UPK1A: variants seen among roughly 807,000 people sequenced by gnomAD.
UPK1A encodes the protein uroplakin-1a.
Under a neutral mutation model 32.3 loss-of-function variants are expected in UPK1A, and 31 were observed. That is an observed-to-expected ratio of 0.96 (90% CI 0.72 to 1.30). The LOEUF is 1.30. Among genes scored for constraint, UPK1A ranks in the 50% most tolerant of loss-of-function variants. The probability of loss-of-function intolerance (pLI) is 0.00; values close to 1 mark genes in which losing one functional copy is unlikely to be tolerated. For missense variants in UPK1A, 340 were observed against 357.4 expected, an observed-to-expected ratio of 0.95 and a Z score of 0.39; for synonymous variants, 135 against 137.1, an observed-to-expected ratio of 0.98 and a Z score of 0.11.
At chr19:35,666,856 T>G (rs993363210) in exon 2 of UPK1A, 2 of 1,613,910 alleles carry the variant, frequency 1.2e-6, no homozygotes, top group Non-Finnish European at 1.7e-6. Context: ...GGATCTCCAG[T>G]TGTGGTGGGC....
rs1251229612 is a variant in UPK1A at position 35,668,772 on chromosome 19, G to A, written c.285+118G>A. ...GAGTTCCCCATGGTGTCACACTCAG[G>A]GATCCCAGGCATCATCTCATTCAGT... On this transcript the variant is annotated intron_variant, in intron 3 of 7. Coordinates refer to ENST00000617999, the Ensembl canonical transcript of UPK1A. 5.2e-6 allele frequency: 6 copies of A among 1,148,466 alleles called. No individual in the cohort carries two copies. In the East Asian group the frequency reaches 1.0e-4, roughly 20 times the overall value. The allele number at this position is 1,148,466 out of a possible 1,614,324, so 71.1% of individuals were successfully genotyped here.
exon 8 of UPK1A, chr19:35,678,034 A>G (rs1490763069): frequency 8.3e-6 from 13 of 1,571,112 alleles, no homozygotes; most frequent in Non-Finnish European, 1.1e-5. Context: ...CAGGAGGGGA[A>G]GGCAACATAC....
chr19:35,670,406 C>CTCCT (rs1308640431), intron 3 of UPK1A, among the ~76,000 whole-genome samples: 4 of 130,914 alleles, frequency 3.1e-5, no homozygotes, highest in African/African-American at 1.2e-4. Context: ...CCCCTCCCCT[C>CTCCT]TCCTTCCTTC....
chr19:35,677,219 G>A (rs536272247), intron 6 of UPK1A, among the ~76,000 whole-genome samples: 2 of 149,716 alleles, frequency 1.3e-5, no homozygotes, highest in African/African-American at 4.9e-5. Flanking sequence ...CTTAAAAAAG[G>A]CAAGAGACTT....
At chr19:35,676,284 G>GGGTTCCCT (rs1568348937) in intron 6 of UPK1A, 1 of 605,716 alleles carries the variant, frequency 1.7e-6, no homozygotes, top group Non-Finnish European at 3.0e-6. Context: ...TCTGCCTCCC[G>GGGTTCCCT]GGTTCAAGGG....
chr19:35,674,640 A>C (rs12977868), intron 5 of UPK1A, among the ~76,000 whole-genome samples: 1 of 152,112 alleles, frequency 6.6e-6, no homozygotes, highest in Admixed American at 6.6e-5. Flanking sequence ...AATATCTTGC[A>C]TGAGGTCACA....
intron 2 of UPK1A, among the ~76,000 whole-genome samples, chr19:35,667,178 T>C (rs1968011760): frequency 6.6e-6 from 1 of 152,178 alleles, no homozygotes; most frequent in African/African-American, 2.4e-5. Flanking sequence ...TCAGAGAAAG[T>C]GCCCGACCAA....
intron 5 of UPK1A, 123 bp from the exon 6 acceptor site, chr19:35,675,717 A>G: frequency 1.7e-6 from 2 of 1,148,642 alleles, no homozygotes; most frequent in Non-Finnish European, 2.4e-6. Flanking sequence ...GAGGCCCAGG[A>G]CATGGGGAAG....
intron 2 of UPK1A, chr19:35,667,857 C>G (rs1460086774): frequency 5.7e-6 from 1 of 176,772 alleles, no homozygotes; most frequent in African/African-American, 2.4e-5. Context: ...TGGTGTGATG[C>G]TTGCTCACTG....
At chr19:35,672,547 C>T (rs1482407720) in intron 3 of UPK1A, among the ~76,000 whole-genome samples, 2 of 151,134 alleles carry the variant, frequency 1.3e-5, no homozygotes, top group East Asian at 2.0e-4. Context: ...GGATTACAGG[C>T]GTAAGCCACT....
At chr19:35,675,094 C>T (rs980827465) in intron 5 of UPK1A, among the ~76,000 whole-genome samples, 5 of 150,972 alleles carry the variant, frequency 3.3e-5, no homozygotes, top group African/African-American at 9.7e-5. Flanking sequence ...AAAACTGAGG[C>T]GTCAATGTGG....
chr19:35,670,849 G>A (rs1227107440), intron 3 of UPK1A, among the ~76,000 whole-genome samples: 2 of 151,184 alleles, frequency 1.3e-5, no homozygotes, highest in Non-Finnish European at 2.9e-5. Flanking sequence ...CAATGAGCTG[G>A]GACTACAAGT....
chr19:35,672,158 C>T (rs1242252949), intron 3 of UPK1A, among the ~76,000 whole-genome samples: 5 of 152,234 alleles, frequency 3.3e-5, no homozygotes, highest in Non-Finnish European at 7.3e-5. Context: ...CTCCTGCCCT[C>T]TGTGCCGTTG....
rs765520812 is a variant in UPK1A at position 35,668,441 on chromosome 19, C to A, written c.85-13C>A. The A allele has an allele frequency of 2.3e-5, 37 of 1,613,864 alleles. No individual in the cohort carries two copies. Among genetic ancestry groups the A allele is most frequent in the Non-Finnish European group, 3.0e-5 (35 of 1,180,042 alleles). On this transcript the variant is annotated splice_polypyrimidine_tract_variant and intron_variant, in intron 2 of 7. Transcript: ENST00000617999. ...GCCCCGAGCAGACCTTCCTAACCCA[C>A]CGCTCTGTCCAGCTGTCAGGCCTGT...
intron 2 of UPK1A, among the ~76,000 whole-genome samples, chr19:35,667,489 C>T (rs988078145): frequency 1.2e-4 from 18 of 147,434 alleles, no homozygotes; most frequent in Non-Finnish European, 2.2e-4. Context: ...CACACCACCA[C>T]GCCCGGCTAA....
intron 1 of UPK1A, 122 bp from the exon 2 acceptor site, chr19:35,666,687 C>G (rs1050557379): frequency 4.4e-5 from 42 of 950,492 alleles, no homozygotes; most frequent in Non-Finnish European, 6.1e-5. Context: ...GTGGGTACAT[C>G]AGTACCAGCC....
intron 5 of UPK1A, among the ~76,000 whole-genome samples, chr19:35,673,956 G>A (rs1335434146): frequency 6.6e-6 from 1 of 152,164 alleles, no homozygotes; most frequent in Admixed American, 6.6e-5. Context: ...TGCCCAGGCT[G>A]GAGTGATCAT....
At chr19:35,666,982 A>G (rs780280536) in intron 2 of UPK1A, 86 bp downstream of exon 2, 10 of 1,389,822 alleles carry the variant, frequency 7.2e-6, no homozygotes, top group Non-Finnish European at 1.0e-5. Flanking sequence ...ATGAGGGTCC[A>G]GAACTGTCTC....
intron 6 of UPK1A, 62 bp from the exon 7 acceptor site, chr19:35,677,748 ACT>A (rs1479800297): frequency 6.3e-7 from 1 of 1,592,826 alleles, no homozygotes; most frequent in African/African-American, 1.3e-5. Flanking sequence ...GCGCACAGTG[ACT>A]CTCGCTTTCA....
Sources: gnomAD v4.1 joint callset for allele counts (sites outside exome capture counted in the v4.1 genomes callset) on GRCh38, gnomAD v4.1.1 for gene constraint, MANE v1.5 for transcripts, NCBI Gene and HGNC (gene_info 2026-07-23, HGNC 2026-07-21) for gene names.